The following ARHGAP42 variants were observed in gnomAD, a reference collection of about 807,000 sequenced individuals.
The protein encoded by ARHGAP42 is Rho GTPase activating protein 42, also known as rho GTPase-activating protein 42.
ARHGAP42 carries 63 observed loss-of-function variants against 125.0 expected under a neutral mutation model. The observed-to-expected ratio is 0.50, with a 90% CI of 0.41 to 0.62. The LOEUF is 0.62. Ranked by LOEUF, ARHGAP42 falls within the 20% of genes least tolerant of loss-of-function variation. ARHGAP42 has a pLI of 0.00. For synonymous variants in ARHGAP42, 339 were observed against 351.0 expected, an observed-to-expected ratio of 0.97 and a Z score of 0.38; for missense variants, 766 against 1,024.2, an observed-to-expected ratio of 0.75 and a Z score of 3.44.
intron 1 of ARHGAP42, among the ~76,000 whole-genome samples, chr11:100,759,060 C>G (rs1862640835): frequency 6.6e-6 from 1 of 152,040 alleles, no homozygotes; most frequent in Admixed American, 6.6e-5. Context: ...GAATAGACCA[C>G]CAGGATCATT....
chr11:100,944,674 A>G (rs571268453), intron 10 of ARHGAP42, among the ~76,000 whole-genome samples: 2 of 152,176 alleles, frequency 1.3e-5, no homozygotes, highest in South Asian at 2.1e-4. Flanking sequence ...CTCGGTGCAT[A>G]TAAAAGTTAT....
intron 4 of ARHGAP42, among the ~76,000 whole-genome samples, chr11:100,909,243 C>A (rs1319204533): frequency 2.0e-5 from 3 of 150,872 alleles, no homozygotes; most frequent in Non-Finnish European, 4.4e-5. Flanking sequence ...TAATTAAGTT[C>A]TATTTTTTGT....
At chr11:100,908,517 T>A (rs1454163971) in intron 4 of ARHGAP42, among the ~76,000 whole-genome samples, 1 of 152,228 alleles carries the variant, frequency 6.6e-6, no homozygotes, top group Non-Finnish European at 1.5e-5. Context: ...CTGAGTCATT[T>A]TTCTTAGGAT....
intron 2 of ARHGAP42, among the ~76,000 whole-genome samples, chr11:100,771,310 T>C (rs1332765758): frequency 6.6e-6 from 1 of 152,202 alleles, no homozygotes; most frequent in Non-Finnish European, 1.5e-5. Context: ...ATATGAACTC[T>C]GAAGTTTTAT....
At chr11:100,722,733 T>C (rs1471959558) in intron 1 of ARHGAP42, among the ~76,000 whole-genome samples, 1 of 152,234 alleles carries the variant, frequency 6.6e-6, no homozygotes, top group Non-Finnish European at 1.5e-5. Flanking sequence ...TGCAAAGCTT[T>C]ACTTCCAGTC....
intron 3 of ARHGAP42, among the ~76,000 whole-genome samples, chr11:100,806,457 A>T (rs1377633170): frequency 6.6e-6 from 1 of 152,196 alleles, no homozygotes; most frequent in Non-Finnish European, 1.5e-5. Context: ...CAGATAAATG[A>T]GGCACAGTAT....
intron 4 of ARHGAP42, among the ~76,000 whole-genome samples, chr11:100,874,771 T>C (rs1468167477): frequency 6.6e-6 from 1 of 152,140 alleles, no homozygotes; most frequent in Non-Finnish European, 1.5e-5. Flanking sequence ...TTCCTTTCCT[T>C]CCCTTTGGGT....
At chr11:100,850,185 T>A (rs1865169105) in intron 3 of ARHGAP42, among the ~76,000 whole-genome samples, 1 of 152,226 alleles carries the variant, frequency 6.6e-6, no homozygotes. Flanking sequence ...AGACAGTGCG[T>A]ATCACTTTTC....
chr11:100,763,121 G>C (rs571515063), intron 1 of ARHGAP42, among the ~76,000 whole-genome samples: 2 of 151,172 alleles, frequency 1.3e-5, no homozygotes, highest in East Asian at 4.0e-4. Context: ...CTGGGATACA[G>C]GCATGCGCTA....
At chr11:100,888,616 A>G (rs1230949027) in intron 4 of ARHGAP42, among the ~76,000 whole-genome samples, 1 of 152,358 alleles carries the variant, frequency 6.6e-6, no homozygotes, top group East Asian at 1.9e-4. Flanking sequence ...CATTTTTATT[A>G]TTAAAAAAGG....
At position 100,927,224 on chromosome 11, in the gene ARHGAP42, A is replaced by G. The variant is rs537251565; in HGVS notation, c.597+5620A>G. ...AAATGCTACTGGCTAAGTCTTTTTT[A>G]AAAGTCCATCAGCTAGTATATAGAT... On this transcript the variant is annotated intron_variant, in intron 6 of 23. Transcript: ENST00000298815. 3.9e-5 allele frequency among the ~76,000 whole-genome samples: 6 copies of G among 152,302 alleles called. No homozygotes were observed. In the East Asian group the frequency reaches 9.6e-4, roughly 24 times the overall value.
At chr11:100,892,255 A>T (rs601496) in intron 4 of ARHGAP42, among the ~76,000 whole-genome samples, 2 of 151,978 alleles carry the variant, frequency 1.3e-5, no homozygotes, top group Non-Finnish European at 2.9e-5. Flanking sequence ...GACCTTGAGG[A>T]AGATCAGGTG....
In ARHGAP42 at chr11:100,883,539, C is replaced by T. The variant is rs558986040; in HGVS notation, c.384+23914C>T. On this transcript the variant is annotated intron_variant, in intron 4 of 23. Transcript: ENST00000298815. ...TGTATTTTTAGTAGAGATGGGGCTTCACCATTTTGGCCAGGCTGATCGTGA... is the reference window on the plus strand; with the variant it reads ...TGTATTTTTAGTAGAGATGGGGCTTTACCATTTTGGCCAGGCTGATCGTGA... Among the ~76,000 whole-genome samples the T allele has an allele frequency of 4.6e-5, 7 of 152,138 alleles. No individual in the cohort carries two copies. The South Asian group carries it at 1.5e-3, about 32-fold the overall frequency.
At chr11:100,843,220 A>C (rs1864983002) in intron 3 of ARHGAP42, among the ~76,000 whole-genome samples, 1 of 152,092 alleles carries the variant, frequency 6.6e-6, no homozygotes, top group Non-Finnish European at 1.5e-5. Context: ...AACTAGAGGA[A>C]ATGGATAAAT....
chr11:100,901,414 G>T (rs561457241), intron 4 of ARHGAP42, among the ~76,000 whole-genome samples: 1 of 152,146 alleles, frequency 6.6e-6, no homozygotes, highest in East Asian at 1.9e-4. Flanking sequence ...GAGCTCAAAC[G>T]CTGTGCTGGG....
At chr11:100,835,620 T>C (rs974299449) in intron 3 of ARHGAP42, among the ~76,000 whole-genome samples, 1 of 152,176 alleles carries the variant, frequency 6.6e-6, no homozygotes, top group African/African-American at 2.4e-5. Context: ...ATCGTAACTA[T>C]ATTATTTATA....
At chr11:100,909,136 T>C (rs1278392248) in intron 4 of ARHGAP42, among the ~76,000 whole-genome samples, 1 of 152,182 alleles carries the variant, frequency 6.6e-6, no homozygotes, top group Non-Finnish European at 1.5e-5. Context: ...ATATTAGCCC[T>C]TTGTTGGATG....
chr11:100,716,534 C>T (rs1310889466), intron 1 of ARHGAP42, among the ~76,000 whole-genome samples: 1 of 152,118 alleles, frequency 6.6e-6, no homozygotes, highest in East Asian at 1.9e-4. Context: ...TCAGTTCTTT[C>T]TCTGGACTCA....
chr11:100,893,354 A>T (rs1866269770), intron 4 of ARHGAP42, among the ~76,000 whole-genome samples: 2 of 152,164 alleles, frequency 1.3e-5, no homozygotes, highest in African/African-American at 4.8e-5. Context: ...GAACAAATAG[A>T]TAATGCTTCT....
Sources: allele counts gnomAD v4.1 joint callset (sites outside exome capture counted in the v4.1 genomes callset), GRCh38; gene constraint gnomAD v4.1.1; transcripts MANE v1.5; gene names NCBI Gene and HGNC (gene_info 2026-07-23, HGNC 2026-07-21).